LDLRAD3: variants seen among roughly 807,000 people sequenced by gnomAD.
LDLRAD3 encodes low-density lipoprotein receptor class A domain-containing protein 3.
LDLRAD3 carries 20 observed loss-of-function variants against 29.4 expected under a neutral mutation model. The observed-to-expected ratio is 0.68, with a 90% CI of 0.48 to 0.99. The LOEUF (loss-of-function observed/expected upper bound fraction) is 0.99, where lower values mean the gene tolerates loss of function less well. Ranked by LOEUF, LDLRAD3 falls within the 50% of genes least tolerant of loss-of-function variation. LDLRAD3 has a pLI of 0.00. For synonymous variants in LDLRAD3, 157 were observed against 192.7 expected (o/e 0.81, Z 1.53); for missense variants, 420 against 454.3 (o/e 0.92, Z 0.69).
At chr11:36,032,342 G>C (rs1381679512) in intron 1 of LDLRAD3, among the ~76,000 whole-genome samples, 1 of 152,134 alleles carries the variant, frequency 6.6e-6, no homozygotes, top group Non-Finnish European at 1.5e-5. Context: ...GGTTCGAAAT[G>C]AATATCTAGA....
At chr11:36,132,926 C>T (rs776413232) in intron 4 of LDLRAD3, among the ~76,000 whole-genome samples, 1 of 152,246 alleles carries the variant, frequency 6.6e-6, no homozygotes, top group Non-Finnish European at 1.5e-5. Context: ...GTGACTTCCT[C>T]TCCCCAGCCT....
chr11:36,135,025 T>G (rs928374437), intron 4 of LDLRAD3, among the ~76,000 whole-genome samples: 1 of 152,044 alleles, frequency 6.6e-6, no homozygotes, highest in Non-Finnish European at 1.5e-5. Context: ...TTTCCCTGTT[T>G]CCCCTCTCTC....
chr11:36,141,687 G>A (rs1854089045), intron 4 of LDLRAD3, among the ~76,000 whole-genome samples: 1 of 152,132 alleles, frequency 6.6e-6, no homozygotes, highest in Non-Finnish European at 1.5e-5. Flanking sequence ...ATAGATGAAG[G>A]GCATGTTCAA....
chr11:36,154,404 T>C (rs1336244166), intron 4 of LDLRAD3, among the ~76,000 whole-genome samples: 1 of 152,158 alleles, frequency 6.6e-6, no homozygotes, highest in Admixed American at 6.5e-5. Flanking sequence ...CCCCACTTAT[T>C]CCCTTTGTAC....
At chr11:35,997,425 G>C (rs1851768864) in intron 1 of LDLRAD3, 7 of 410,948 alleles carry the variant, frequency 1.7e-5, no homozygotes, top group South Asian at 1.4e-4. Flanking sequence ...GGTTCCTTGA[G>C]GGCTTTGCAG....
At chr11:36,155,355 C>T (rs1329679788) in intron 4 of LDLRAD3, among the ~76,000 whole-genome samples, 1 of 152,104 alleles carries the variant, frequency 6.6e-6, no homozygotes, top group African/African-American at 2.4e-5. Flanking sequence ...CAAAATGTTG[C>T]CAGAAATTCC....
chr11:36,052,110 A>C (rs1225780081), intron 2 of LDLRAD3, among the ~76,000 whole-genome samples: 1 of 152,192 alleles, frequency 6.6e-6, no homozygotes, highest in Non-Finnish European at 1.5e-5. Flanking sequence ...TTGGTTGGAC[A>C]AATCTTACAT....
chr11:36,085,456 GT>G, intron 3 of LDLRAD3, among the ~76,000 whole-genome samples: 1 of 151,644 alleles, frequency 6.6e-6, no homozygotes, highest in Non-Finnish European at 1.5e-5. Context: ...GAATCTGTAG[GT>G]TTTTGTCTTT....
At chr11:36,137,678 T>C (rs567080319) in intron 4 of LDLRAD3, among the ~76,000 whole-genome samples, 1 of 152,302 alleles carries the variant, frequency 6.6e-6, no homozygotes, top group Non-Finnish European at 1.5e-5. Context: ...CAGTATATGC[T>C]CCAAATTCAC....
intron 4 of LDLRAD3, among the ~76,000 whole-genome samples, chr11:36,113,316 A>C (rs1853631353): frequency 6.6e-6 from 1 of 152,156 alleles, no homozygotes; most frequent in South Asian, 2.1e-4. Flanking sequence ...AATACCCCAG[A>C]GATGAGCAGT....
At chr11:36,227,826 G>C (rs982338927) in intron 5 of LDLRAD3, among the ~76,000 whole-genome samples, 4 of 152,210 alleles carry the variant, frequency 2.6e-5, no homozygotes, top group African/African-American at 7.2e-5. Flanking sequence ...CCACAGACTA[G>C]CTCTGAGCCT....
At chr11:35,976,666 G>A (rs942450213) in intron 1 of LDLRAD3, among the ~76,000 whole-genome samples, 1 of 152,082 alleles carries the variant, frequency 6.6e-6, no homozygotes, top group Non-Finnish European at 1.5e-5. Flanking sequence ...AGTCACTTGG[G>A]GGTACTGAGT....
At position 36,231,495 on chromosome 11, in the gene LDLRAD3, CCTT is replaced by C. The variant is rs924597301; in HGVS notation, c.*2105_*2107del. 3.3e-5 allele frequency: 5 copies of C among 152,076 alleles called. No individual in the cohort carries two copies. Among genetic ancestry groups the C allele is most frequent in the Admixed American group, 2.6e-4 (4 of 15,254 alleles). The allele number at this position is 152,076 out of a possible 1,614,324, so 9.4% of individuals were successfully genotyped here. On this transcript the variant is annotated 3_prime_UTR_variant, in exon 6 of 6. Coordinates refer to ENST00000315571, the MANE Select transcript of LDLRAD3 (RefSeq NM_174902.4). ...CTTTATTTCTCCCTTTGATGGGGCC[CCTT>C]CTTCTTTCTGGTGCTCTGGAAGTTG...
At chr11:36,025,095 G>A (rs906520530) in intron 1 of LDLRAD3, among the ~76,000 whole-genome samples, 1 of 152,186 alleles carries the variant, frequency 6.6e-6, no homozygotes, top group Non-Finnish European at 1.5e-5. Context: ...CCAGAAGAAG[G>A]TCTTTGCATT....
At chr11:36,168,500 T>TC (rs1283565678) in intron 4 of LDLRAD3, among the ~76,000 whole-genome samples, 151 of 118,088 alleles carry the variant, frequency 1.3e-3, no homozygotes, top group South Asian at 0.011. Context: ...TCTTTCTTCT[T>TC]TTTTTTTTTT....
chr11:36,128,343 A>G (rs1315899948), intron 4 of LDLRAD3, among the ~76,000 whole-genome samples: 9 of 151,860 alleles, frequency 5.9e-5, no homozygotes, highest in Admixed American at 4.6e-4. Context: ...TTTAACCGCA[A>G]TTTCTTCTGC....
intron 1 of LDLRAD3, among the ~76,000 whole-genome samples, chr11:35,964,286 A>G (rs1350087740): frequency 3.3e-5 from 5 of 152,132 alleles, no homozygotes; most frequent in Non-Finnish European, 7.4e-5. Flanking sequence ...CAAGATCCCT[A>G]TGAGGTCAAG....
intron 2 of LDLRAD3, among the ~76,000 whole-genome samples, chr11:36,069,642 T>C (rs1033066429): frequency 6.6e-6 from 1 of 152,212 alleles, no homozygotes; most frequent in Non-Finnish European, 1.5e-5. Flanking sequence ...TAGGGCTTTT[T>C]TTTTTTTAAT....
At chr11:35,951,043 A>G (rs972543171) in intron 1 of LDLRAD3, among the ~76,000 whole-genome samples, 8 of 152,132 alleles carry the variant, frequency 5.3e-5, no homozygotes, top group African/African-American at 1.7e-4. Flanking sequence ...AGATCGTGCC[A>G]CTGACTCCAG....
Sources: allele counts gnomAD v4.1 joint callset (sites outside exome capture counted in the v4.1 genomes callset), GRCh38; gene constraint gnomAD v4.1.1; transcripts MANE v1.5; gene names NCBI Gene and HGNC (gene_info 2026-07-23, HGNC 2026-07-21).